The following PDCD2L variants were observed in gnomAD, a reference collection of about 807,000 sequenced individuals.
PDCD2L encodes the protein programmed cell death 2 like, also known as uS5 assembly chaperone PDCD2L.
In PDCD2L, 44 loss-of-function variants were observed where a neutral mutation model predicts 40.4. The ratio of observed to expected loss-of-function variants is 1.09; its 90% CI spans 0.86 to 1.40. The LOEUF (loss-of-function observed/expected upper bound fraction) is 1.40, where lower values mean the gene tolerates loss of function less well. PDCD2L is among the 40% of genes most tolerant of loss of function. The pLI, the probability that PDCD2L is intolerant of heterozygous loss-of-function variation, is 0.00. For synonymous variants in PDCD2L, 194 were observed against 174.6 expected (o/e 1.11, Z -0.88); for missense variants, 470 against 453.7 (o/e 1.04, Z -0.33).
intron 3 of PDCD2L, among the ~76,000 whole-genome samples, chr19:34,408,745 G>T (rs745964116): frequency 6.6e-6 from 1 of 152,164 alleles, no homozygotes; most frequent in Non-Finnish European, 1.5e-5. Flanking sequence ...TTGCTATGTG[G>T]TCTTTCTTTC....
At chr19:34,419,169 T>G (rs1226191511) in intron 5 of PDCD2L, among the ~76,000 whole-genome samples, 2 of 152,158 alleles carry the variant, frequency 1.3e-5, no homozygotes, top group Admixed American at 6.5e-5. Context: ...GTTTTTTGTT[T>G]TTTTTTTCTT....
intron 5 of PDCD2L, among the ~76,000 whole-genome samples, chr19:34,416,456 T>A (rs1194133243): frequency 2.0e-5 from 3 of 152,292 alleles, no homozygotes; most frequent in African/African-American, 7.2e-5. Flanking sequence ...GTGGGATCTT[T>A]CTCAACATAC....
Position 34,426,132 on chromosome 19 carries a change from T to C in PDCD2L, c.*12T>C. ...TATTGTTTAAGTAGAGCATTTCCTT[T>C]TATTAATATAAATTAAAACAAATGT... On this transcript the variant is annotated 3_prime_UTR_variant, in exon 7 of 7. Transcript: ENST00000246535. The C allele has an allele frequency of 2.6e-6, 4 of 1,513,042 alleles. No individual in the cohort carries two copies. The highest frequency in any genetic ancestry group is 3.6e-5 in the Admixed American group (2 of 56,310). The allele number at this position is 1,513,042 out of a possible 1,614,324, so 93.7% of individuals were successfully genotyped here.
intron 5 of PDCD2L, among the ~76,000 whole-genome samples, chr19:34,418,954 T>C (rs1005686379): frequency 6.6e-6 from 1 of 152,216 alleles, no homozygotes; most frequent in Non-Finnish European, 1.5e-5. Context: ...CTCACCATAT[T>C]GTTTGTGTTA....
intron 6 of PDCD2L, among the ~76,000 whole-genome samples, chr19:34,422,484 C>T (rs1202638423): frequency 2.0e-5 from 3 of 151,978 alleles, no homozygotes; most frequent in Non-Finnish European, 4.4e-5. Flanking sequence ...ATGAACCATG[C>T]CTGGCCAGAA....
chr19:34,404,745 TC>T lies in PDCD2L; in HGVS notation c.209del (p.Pro70ArgfsTer87), dbSNP rs1420247660. On this transcript the variant is annotated frameshift_variant, in exon 2 of 7. Coordinates refer to ENST00000246535, the MANE Select transcript of PDCD2L (RefSeq NM_032346.2). LOFTEE classifies it high-confidence loss of function. ...GCAGGTGTATTGCCCGCTGGAAGGC[TC>T]CCCGTTTCACCGTCTGCTGCACGTG... ...VVQVYCPLEG[S>X]PFHRLLHVFA... is the part of the protein sequence containing the mutation. 3 of 1,611,852 alleles carry T rather than the reference TC, an allele frequency of 1.9e-6. No homozygotes were observed. Among genetic ancestry groups the T allele is most frequent in the Non-Finnish European group, 2.5e-6 (3 of 1,179,752 alleles).
At chr19:34,405,384 G>A (rs1207434285) in intron 3 of PDCD2L, among the ~76,000 whole-genome samples, 1 of 151,244 alleles carries the variant, frequency 6.6e-6, no homozygotes, top group Non-Finnish European at 1.5e-5. Context: ...GACCTCAGGT[G>A]ATCCACCCGC....
intron 3 of PDCD2L, among the ~76,000 whole-genome samples, chr19:34,405,638 C>G (rs929899252): frequency 2.0e-5 from 3 of 151,222 alleles, no homozygotes; most frequent in African/African-American, 7.3e-5. Flanking sequence ...CGGTGGCTTA[C>G]GCCTGTAATC....
intron 5 of PDCD2L, among the ~76,000 whole-genome samples, chr19:34,419,796 A>T (rs1422757446): frequency 3.5e-4 from 3 of 8,600 alleles, no homozygotes; most frequent in African/African-American, 4.2e-4. Context: ...TTTTTTTTTA[A>T]GAGATTGGGT....
Position 34,404,502 on chromosome 19 carries a change from G to C in PDCD2L, c.72G>C (p.Pro24=). ...CGGTGCACGGCAGCCCCACAGGGCC[G>C]GGTGCCTGGACTGCTAGCAAGCTGG... ...DAPVHGSPTG[P]GAWTASKLGG... Residue 24 remains proline, a synonymous_variant, in exon 1 of 7, where the codon CCG becomes CCC. Transcript: ENST00000246535. The C allele has an allele frequency of 6.5e-7, 1 of 1,543,002 alleles. No individual in the cohort carries two copies. Among genetic ancestry groups the C allele is most frequent in the Non-Finnish European group, 8.7e-7 (1 of 1,147,054 alleles).
At chr19:34,410,985 A>G (rs1378036350) in intron 4 of PDCD2L, among the ~76,000 whole-genome samples, 2 of 151,130 alleles carry the variant, frequency 1.3e-5, no homozygotes, top group African/African-American at 2.4e-5. Flanking sequence ...GGGTTTCACC[A>G]TGTTGACCAG....
chr19:34,410,342 C>T (rs952329568), intron 4 of PDCD2L, among the ~76,000 whole-genome samples: 1 of 152,188 alleles, frequency 6.6e-6, no homozygotes, highest in African/African-American at 2.4e-5. Context: ...ACCTCCACCT[C>T]TCAGGTTTAA....
At chr19:34,425,455 G>C (rs866344641) in intron 6 of PDCD2L, among the ~76,000 whole-genome samples, 11 of 150,822 alleles carry the variant, frequency 7.3e-5, no homozygotes, top group East Asian at 1.9e-4. Context: ...GGTGTGCACC[G>C]TTACACCCAG....
intron 4 of PDCD2L, among the ~76,000 whole-genome samples, chr19:34,409,820 G>A (rs1487162519): frequency 6.6e-6 from 1 of 152,150 alleles, no homozygotes; most frequent in Admixed American, 6.5e-5. Context: ...AGACAGGCAA[G>A]TTAGAAAACT....
At chr19:34,421,443 T>C (rs1460902003) in intron 5 of PDCD2L, 76 bp from the exon 6 acceptor site, 4 of 1,526,434 alleles carry the variant, frequency 2.6e-6, no homozygotes, top group Admixed American at 3.7e-5. Flanking sequence ...CAAAGAAAGG[T>C]TGCAAAGCAT....
At chr19:34,410,717 G>T (rs919984711) in intron 4 of PDCD2L, among the ~76,000 whole-genome samples, 2 of 152,004 alleles carry the variant, frequency 1.3e-5, no homozygotes, top group East Asian at 3.9e-4. Flanking sequence ...GTTGGTGTTT[G>T]AAAATAATCC....
chr19:34,413,589 G>A (rs1467822777), intron 4 of PDCD2L, 148 bp from the exon 5 acceptor site: 10 of 442,100 alleles, frequency 2.3e-5, no homozygotes, highest in Non-Finnish European at 2.9e-5. Flanking sequence ...TGCCTGCCTC[G>A]GCCTCCCAAA....
At chr19:34,419,196 C>G (rs1038146268) in intron 5 of PDCD2L, among the ~76,000 whole-genome samples, 1 of 151,594 alleles carries the variant, frequency 6.6e-6, no homozygotes, top group African/African-American at 2.4e-5. Flanking sequence ...GAGTCTTGCT[C>G]TGTTGCCCAG....
chr19:34,419,307 C>T (rs866893212), intron 5 of PDCD2L, among the ~76,000 whole-genome samples: 2 of 151,908 alleles, frequency 1.3e-5, no homozygotes, highest in Non-Finnish European at 2.9e-5. Context: ...ATTACTGGTG[C>T]GCACCACCAT....
Sources: allele counts gnomAD v4.1 joint callset (sites outside exome capture counted in the v4.1 genomes callset), GRCh38; gene constraint gnomAD v4.1.1; transcripts MANE v1.5; gene names NCBI Gene and HGNC (gene_info 2026-07-23, HGNC 2026-07-21).